RNF4: variants seen among roughly 807,000 people sequenced by gnomAD.
RNF4 encodes E3 ubiquitin-protein ligase RNF4.
Under a neutral mutation model 24.3 loss-of-function variants are expected in RNF4, and 7 were observed. The observed-to-expected ratio is 0.29, with a 90% CI of 0.16 to 0.54. RNF4 has a LOEUF of 0.54. RNF4 is among the 20% of genes least tolerant of loss of function. RNF4 has a pLI of 0.95. For synonymous variants in RNF4, 83 were observed against 84.3 expected (o/e 0.98, Z 0.09); for missense variants, 209 against 248.5 (o/e 0.84, Z 1.07).
intron 3 of RNF4, among the ~76,000 whole-genome samples, chr4:2,498,170 A>G (rs1353679280): frequency 6.6e-6 from 1 of 152,050 alleles, no homozygotes; most frequent in Non-Finnish European, 1.5e-5. Flanking sequence ...AGGGCTGCCC[A>G]TTAGAGCACT....
rs760739395 is a variant in RNF4, at chr4:2,512,626, G to A, written c.374+29G>A. 38 of 1,610,656 alleles carry A rather than the reference G, an allele frequency of 2.4e-5. No homozygotes were observed. Among genetic ancestry groups the A allele is most frequent in the African/African-American group, 4.0e-5 (3 of 74,878 alleles). On this transcript the variant is annotated intron_variant, in intron 6 of 7. Transcript: ENST00000314289. The surrounding 1 kb of genome is among the most constrained non-coding windows in gnomAD (Gnocchi z 4.1). Reference sequence around the variant, plus strand: ...CCAACGTGCCCCCAGCTCTGCTGCCGCCATGCTAGGATGTGGGGCCAGGGC... The same window carrying A: ...CCAACGTGCCCCCAGCTCTGCTGCCACCATGCTAGGATGTGGGGCCAGGGC...
At chr4:2,474,381 CAAAAA>C (rs35982596) in intron 1 of RNF4, among the ~76,000 whole-genome samples, 2 of 105,280 alleles carry the variant, frequency 1.9e-5, no homozygotes, top group African/African-American at 6.7e-5. Flanking sequence ...GACTCTGTCT[CAAAAA>C]AAAAAAAAAA....
intron 3 of RNF4, among the ~76,000 whole-genome samples, chr4:2,499,983 C>T (rs1356746521): frequency 2.6e-5 from 4 of 151,966 alleles, no homozygotes; most frequent in African/African-American, 7.3e-5. Context: ...GGTGAAACCC[C>T]ATCTCTACTA....
rs907906348 is a variant in RNF4 at position 2,471,270 on chromosome 4, A to G, written c.-158+2012A>G. Among the ~76,000 whole-genome samples, 33 of 152,140 alleles carry G rather than the reference A, an allele frequency of 2.2e-4. 1 individual carries two copies. Among genetic ancestry groups the G allele is most frequent in the African/African-American group, 9.7e-5 (4 of 41,442 alleles). Reference sequence around the variant, plus strand: ...GCATGAGCCACCATGCCCAGCCCCAAACCTTTTCATTGTTACATCTGTTAT... The same window carrying G: ...GCATGAGCCACCATGCCCAGCCCCAGACCTTTTCATTGTTACATCTGTTAT... On this transcript the variant is annotated intron_variant, in intron 1 of 7. Transcript: ENST00000314289.
intron 2 of RNF4, among the ~76,000 whole-genome samples, chr4:2,492,193 A>G (rs1735602438): frequency 1.3e-5 from 2 of 151,088 alleles, no homozygotes; most frequent in Admixed American, 1.3e-4. Context: ...GCAAGACTCC[A>G]TCTCAAAAAA....
intron 4 of RNF4, chr4:2,504,960 C>T (rs1237621956): frequency 6.6e-6 from 1 of 152,078 alleles, no homozygotes; most frequent in African/African-American, 2.4e-5. Flanking sequence ...TCTTGAACTC[C>T]TGACCTCAGG....
At chr4:2,481,265 A>G (rs1331408233) in intron 1 of RNF4, 1 of 151,804 alleles carries the variant, frequency 6.6e-6, no homozygotes, top group Non-Finnish European at 1.5e-5. Flanking sequence ...GTAGAGCTTT[A>G]CTACCATTTT....
intron 2 of RNF4, among the ~76,000 whole-genome samples, chr4:2,491,171 C>T (rs970644134): frequency 3.4e-4 from 51 of 152,186 alleles, no homozygotes; most frequent in African/African-American, 1.2e-3. Flanking sequence ...AGTAATAATC[C>T]ATAGTGAAAA....
chr4:2,503,632 G>A (rs1560411381), intron 4 of RNF4, among the ~76,000 whole-genome samples: 1 of 152,196 alleles, frequency 6.6e-6, no homozygotes, highest in Non-Finnish European at 1.5e-5. Flanking sequence ...TTTACACTGA[G>A]ACATATACTT....
At position 2,515,324 on chromosome 4, in the gene RNF4, A is replaced by C. The variant is rs1389514754; in HGVS notation, c.*1505A>C. The C allele has an allele frequency of 6.5e-6, 1 of 152,736 alleles. No individual in the cohort carries two copies. The highest frequency in any genetic ancestry group is 2.1e-4 in the South Asian group (1 of 4,830). 9.5% of individuals were successfully genotyped at this position (152,736 alleles called of 1,614,324 possible). A position where few individuals can be genotyped will look rare whatever the true frequency, so the allele number is the denominator to read the frequency against. On this transcript the variant is annotated 3_prime_UTR_variant, in exon 8 of 8. Transcript: ENST00000314289. ...TGAAAAGAAAATTGTTTTATTCTTCATTCTGACTTTTTAACTGTTTGGCTC... is the reference window on the plus strand; with the variant it reads ...TGAAAAGAAAATTGTTTTATTCTTCCTTCTGACTTTTTAACTGTTTGGCTC...
intron 3 of RNF4, among the ~76,000 whole-genome samples, chr4:2,498,449 A>G (rs1198408084): frequency 6.6e-6 from 1 of 151,958 alleles, no homozygotes; most frequent in Non-Finnish European, 1.5e-5. Context: ...TGGCCTCCCA[A>G]AGTGCTGGGA....
intron 7 of RNF4, 81 bp from the exon 8 acceptor site, chr4:2,513,589 T>G (rs921446463): frequency 1.3e-6 from 2 of 1,547,422 alleles, no homozygotes; most frequent in African/African-American, 2.7e-5. Context: ...ATCTTAGGCA[T>G]AGGTGGGTGG....
chr4:2,479,817 T>C (rs891543925), intron 1 of RNF4: 1 of 152,242 alleles, frequency 6.6e-6, no homozygotes, highest in African/African-American at 2.4e-5. Context: ...TTACTTGCAA[T>C]GTAAAGGCTT....
chr4:2,510,231 C>CT (rs988114130), intron 4 of RNF4, among the ~76,000 whole-genome samples: 27 of 152,270 alleles, frequency 1.8e-4, no homozygotes, highest in Admixed American at 1.4e-3. Context: ...AAAATCCACT[C>CT]TAATTATTCC....
intron 4 of RNF4, among the ~76,000 whole-genome samples, chr4:2,508,283 G>A (rs186154610): frequency 1.3e-5 from 2 of 152,312 alleles, no homozygotes; most frequent in East Asian, 3.9e-4. Context: ...ATAGATTAGA[G>A]GCCCCAGAGC....
chr4:2,476,812 C>G (rs1438182524), intron 1 of RNF4, among the ~76,000 whole-genome samples: 1 of 141,450 alleles, frequency 7.1e-6, no homozygotes, highest in Non-Finnish European at 1.5e-5. Flanking sequence ...CAGCCTAAAA[C>G]TTTTTTTTTT....
At position 2,515,504 on chromosome 4, in the gene RNF4, A is replaced by T. The variant is rs1294789881; in HGVS notation, c.*1685A>T. The T allele has an allele frequency of 6.6e-6, 1 of 152,300 alleles. No individual in the cohort carries two copies. The highest frequency in any genetic ancestry group is 1.5e-5 in the Non-Finnish European group (1 of 68,042). 9.4% of individuals were successfully genotyped at this position (152,300 alleles called of 1,614,324 possible). On this transcript the variant is annotated 3_prime_UTR_variant, in exon 8 of 8. Coordinates refer to ENST00000314289, the MANE Select transcript of RNF4 (RefSeq NM_002938.5). The stretch of plus-strand genomic sequence containing the variant: ...TTCTGGGCATCACGGCAATGTCACG[A>T]TGCCCAGACTTGGAGCAAGGCAACC...
chr4:2,508,229 G>T (rs984151728), intron 4 of RNF4, among the ~76,000 whole-genome samples: 1 of 152,180 alleles, frequency 6.6e-6, no homozygotes, highest in Non-Finnish European at 1.5e-5. Context: ...GTTAATTGTT[G>T]TTATTTCAGT....
intron 7 of RNF4, 115 bp downstream of exon 7, chr4:2,513,246 G>A (rs1736319877): frequency 3.1e-6 from 3 of 966,778 alleles, no homozygotes; most frequent in Non-Finnish European, 5.0e-6. Context: ...TCACAGTCAT[G>A]CCTGGGCCGT....
Sources: gnomAD v4.1 joint callset for allele counts (sites outside exome capture counted in the v4.1 genomes callset) on GRCh38, gnomAD v4.1.1 for gene constraint, Gnocchi (gnomAD v3.1) non-coding constraint, MANE v1.5 for transcripts, NCBI Gene and HGNC (gene_info 2026-07-23, HGNC 2026-07-21) for gene names.